IGSF21: variants seen among roughly 807,000 people sequenced by gnomAD.
IGSF21 encodes the protein immunoglobin superfamily member 21.
Under a neutral mutation model 46.8 loss-of-function variants are expected in IGSF21, and 28 were observed. That is an observed-to-expected ratio of 0.60 (90% CI 0.44 to 0.82). The LOEUF (loss-of-function observed/expected upper bound fraction) is 0.82. IGSF21 is among the 40% of genes least tolerant of loss of function. The pLI is 0.00. For missense variants in IGSF21, 624 were observed against 665.5 expected, an observed-to-expected ratio of 0.94 and a Z score of 0.69; for synonymous variants, 284 against 273.6, an observed-to-expected ratio of 1.04 and a Z score of -0.38.
chr1:18,226,020 T>C (rs2084562749), intron 1 of IGSF21, among the ~76,000 whole-genome samples: 1 of 152,216 alleles, frequency 6.6e-6, no homozygotes, highest in Admixed American at 6.5e-5. Context: ...AGTGAGTAGA[T>C]GCATATCATA....
In IGSF21 at chr1:18,263,786, C is replaced by T. The variant is rs147308079; in HGVS notation, c.184-28080C>T. 7.5e-3 allele frequency among the ~76,000 whole-genome samples: 1,136 copies of T among 152,282 alleles called. 19 individuals carry two copies. The highest frequency in any genetic ancestry group is 0.025 in the African/African-American group (1,034 of 41,548). ...CACTGCATGCTCATCCCCCCTGACT[C>T]TCACACGTATTGCATTTTGAGAAGT... is the stretch of plus-strand genomic sequence containing the variant. On this transcript the variant is annotated intron_variant, in intron 2 of 9. Coordinates refer to ENST00000251296, the MANE Select transcript of IGSF21 (RefSeq NM_032880.5).
chr1:18,213,430 TC>T (rs892617374), intron 1 of IGSF21, among the ~76,000 whole-genome samples: 9 of 152,174 alleles, frequency 5.9e-5, no homozygotes, highest in African/African-American at 1.9e-4. Context: ...GTTTCTTTCA[TC>T]CTTTCATCTT....
chr1:18,154,342 C>A (rs78776539), intron 1 of IGSF21, among the ~76,000 whole-genome samples: 2 of 151,966 alleles, frequency 1.3e-5, no homozygotes, highest in Non-Finnish European at 2.9e-5. Context: ...CATTTTACAT[C>A]TTTTTTTTCA....
Position 18,335,348 on chromosome 1 carries a change from A to T in IGSF21, c.424+338A>T, listed in dbSNP as rs1009955723. Among the ~76,000 whole-genome samples the T allele has an allele frequency of 6.6e-6, 1 of 152,204 alleles. No individual in the cohort carries two copies. Among genetic ancestry groups the T allele is most frequent in the Non-Finnish European group, 1.5e-5 (1 of 68,034 alleles). ...AACTATTCTGCCCCTCAGCCAAAAG[A>T]TTCTCCTGCACCTCCTGAGGCCTTA... On this transcript the variant is annotated intron_variant, in intron 4 of 9. Transcript: ENST00000251296. The surrounding 1 kb of genome is among the most constrained non-coding windows in gnomAD (Gnocchi z 4.8).
At chr1:18,195,136 A>G (rs2124478689) in intron 1 of IGSF21, among the ~76,000 whole-genome samples, 1 of 152,342 alleles carries the variant, frequency 6.6e-6, no homozygotes, top group East Asian at 1.9e-4. Context: ...GGGTAGGGAC[A>G]CAGCCAAACC....
rs1386105994 is a variant in IGSF21 at position 18,335,441 on chromosome 1, TTCTCACCC to T, written c.424+436_424+443del. 1.3e-5 allele frequency among the ~76,000 whole-genome samples: 2 copies of T among 152,168 alleles called. No homozygotes were observed. The highest frequency in any genetic ancestry group is 4.8e-5 in the African/African-American group (2 of 41,446). On this transcript the variant is annotated intron_variant, in intron 4 of 9. Coordinates refer to ENST00000251296, the MANE Select transcript of IGSF21 (RefSeq NM_032880.5). This position sits in a 1 kb window ranked among gnomAD's most constrained non-coding sequence, Gnocchi z 4.8. ...ATGGCTGGGATTCAGAGCTCCTGGG[TTCTCACCC>T]TCTCCCCATGCCTCCATTTATGCAC...
At chr1:18,254,727 G>A (rs978182592) in intron 2 of IGSF21, among the ~76,000 whole-genome samples, 1 of 152,204 alleles carries the variant, frequency 6.6e-6, no homozygotes, top group Non-Finnish European at 1.5e-5. Context: ...CTGGACATAG[G>A]TTGTCCAAGC....
intron 3 of IGSF21, among the ~76,000 whole-genome samples, chr1:18,296,206 C>A (rs2085311096): frequency 6.6e-6 from 1 of 152,208 alleles, no homozygotes; most frequent in African/African-American, 2.4e-5. Context: ...CCTGGGACCC[C>A]TTCTCACATA....
In IGSF21 at chr1:18,219,999, G is replaced by A. The variant is rs555440482; in HGVS notation, c.71-7899G>A. Among the ~76,000 whole-genome samples the A allele has an allele frequency of 1.5e-3, 226 of 152,308 alleles. 1 individual carries two copies. The highest frequency in any genetic ancestry group is 5.3e-3 in the African/African-American group (219 of 41,566). ...GCTCAGCTCACTGTGACCAGGAGAA[G>A]CAGGATATTGTTCAGGATGCAGCAG... is the stretch of plus-strand genomic sequence containing the variant. On this transcript the variant is annotated intron_variant, in intron 1 of 9. Coordinates refer to ENST00000251296, the MANE Select transcript of IGSF21 (RefSeq NM_032880.5).
intron 1 of IGSF21, among the ~76,000 whole-genome samples, chr1:18,190,683 G>A (rs1211390790): frequency 6.6e-6 from 1 of 152,208 alleles, no homozygotes; most frequent in Admixed American, 6.5e-5. Context: ...CCTGCAGGGT[G>A]CTCAGTGAAA....
chr1:18,246,528 C>T (rs109489), intron 2 of IGSF21, among the ~76,000 whole-genome samples: 89,519 of 151,956 alleles, frequency 0.59, 30,523 homozygotes, highest in Non-Finnish European at 0.74. Context: ...CTTGTCCCCT[C>T]TGGCTTCCTG....
At chr1:18,151,757 G>A (rs1280839061) in intron 1 of IGSF21, among the ~76,000 whole-genome samples, 2 of 152,042 alleles carry the variant, frequency 1.3e-5, no homozygotes, top group Admixed American at 1.3e-4. Flanking sequence ...TTGGAAATAC[G>A]GAGAAGCTCA....
At chr1:18,145,979 T>C (rs1372639290) in intron 1 of IGSF21, among the ~76,000 whole-genome samples, 1 of 152,074 alleles carries the variant, frequency 6.6e-6, no homozygotes, top group Non-Finnish European at 1.5e-5. Context: ...GAGAAAAGTG[T>C]GGCTTCTGCT....
intron 1 of IGSF21, among the ~76,000 whole-genome samples, chr1:18,186,983 C>T (rs75160593): frequency 3.3e-5 from 5 of 152,108 alleles, no homozygotes; most frequent in African/African-American, 9.7e-5. Flanking sequence ...CCTCCTGTGA[C>T]CATCGTTTTA....
intron 1 of IGSF21, among the ~76,000 whole-genome samples, chr1:18,211,476 C>T (rs1281457012): frequency 3.3e-5 from 5 of 152,340 alleles, no homozygotes; most frequent in Admixed American, 6.5e-5. Flanking sequence ...CAGGCCCTTC[C>T]GTGCCAAAGC....
At chr1:18,191,552 C>T (rs1013078244) in intron 1 of IGSF21, among the ~76,000 whole-genome samples, 5 of 151,946 alleles carry the variant, frequency 3.3e-5, no homozygotes, top group African/African-American at 4.8e-5. Context: ...GGGATCCATA[C>T]GGTCTGCTGG....
chr1:18,270,318 C>A (rs2085030447), intron 2 of IGSF21, among the ~76,000 whole-genome samples: 1 of 152,190 alleles, frequency 6.6e-6, no homozygotes, highest in Admixed American at 6.5e-5. Flanking sequence ...TTGGCTCCAT[C>A]CCTTATAATG....
intron 4 of IGSF21, among the ~76,000 whole-genome samples, chr1:18,347,619 C>A (rs2085907594): frequency 6.6e-6 from 1 of 152,186 alleles, no homozygotes. Context: ...ATTCTGATTG[C>A]CACTCTCCTT....
At chr1:18,194,875 C>T (rs1297145683) in intron 1 of IGSF21, among the ~76,000 whole-genome samples, 1 of 152,216 alleles carries the variant, frequency 6.6e-6, no homozygotes, top group African/African-American at 2.4e-5. Context: ...GTTTAATGAG[C>T]TCATAGTTTC....
Sources: gnomAD v4.1 joint callset for allele counts (sites outside exome capture counted in the v4.1 genomes callset) on GRCh38, gnomAD v4.1.1 for gene constraint, Gnocchi (gnomAD v3.1) non-coding constraint, MANE v1.5 for transcripts, NCBI Gene and HGNC (gene_info 2026-07-23, HGNC 2026-07-21) for gene names.